P3H2: variants seen among roughly 807,000 people sequenced by gnomAD.
P3H2 encodes the protein prolyl 3-hydroxylase 2, also known as leprecan-like 1.
P3H2 carries 80 observed loss-of-function variants against 87.0 expected under a neutral mutation model. That is an observed-to-expected ratio of 0.92 (90% CI 0.77 to 1.11). P3H2 has a LOEUF of 1.11. P3H2 is among the 50% of genes least tolerant of loss of function. The pLI is 0.00. For synonymous variants in P3H2, 367 were observed against 359.3 expected, an observed-to-expected ratio of 1.02 and a Z score of -0.24; for missense variants, 1,001 against 923.9, an observed-to-expected ratio of 1.08 and a Z score of -1.08.
At chr3:190,038,198 T>C (rs1172882222) in intron 1 of P3H2, among the ~76,000 whole-genome samples, 5 of 145,754 alleles carry the variant, frequency 3.4e-5, no homozygotes, top group East Asian at 2.0e-4. Context: ...ATTGCGCCAC[T>C]GCACTCCAGC....
rs1279709019 is a variant in P3H2 at position 190,019,457 on chromosome 3, A to T, written c.481-24015T>A. On this transcript the variant is annotated intron_variant, in intron 1 of 14. Transcript: ENST00000319332. ...CAGTGACATTTATTTATTTATTCTTACATGATGAGACTAAATCATATCCCT... is the reference window on the plus strand; with the variant it reads ...CAGTGACATTTATTTATTTATTCTTTCATGATGAGACTAAATCATATCCCT... 3.9e-5 allele frequency among the ~76,000 whole-genome samples: 6 copies of T among 152,296 alleles called. No homozygotes were observed. In the South Asian group the frequency reaches 1.0e-3, roughly 26 times the overall value.
At chr3:190,095,127 A>G (rs963123593) in intron 1 of P3H2, among the ~76,000 whole-genome samples, 7 of 151,798 alleles carry the variant, frequency 4.6e-5, no homozygotes, top group Non-Finnish European at 8.8e-5. Flanking sequence ...TTTAATTATT[A>G]TAACACTTTT....
intron 1 of P3H2, among the ~76,000 whole-genome samples, chr3:190,095,016 T>C (rs559446574): frequency 6.6e-6 from 1 of 152,148 alleles, no homozygotes. Context: ...AGAGCCAGTA[T>C]TTCCCAAAGT....
chr3:190,003,599 AG>A (rs1724287658), intron 1 of P3H2, among the ~76,000 whole-genome samples: 1 of 152,200 alleles, frequency 6.6e-6, no homozygotes, highest in Admixed American at 6.5e-5. Context: ...CTTCCTACCA[AG>A]GGAACAGCCA....
At chr3:190,071,500 C>T (rs1235684799) in intron 1 of P3H2, among the ~76,000 whole-genome samples, 1 of 152,030 alleles carries the variant, frequency 6.6e-6, no homozygotes, top group Non-Finnish European at 1.5e-5. Flanking sequence ...TAAACAGTAG[C>T]AGAAAAGTTA....
At chr3:190,008,635 G>C (rs1724469330) in intron 1 of P3H2, among the ~76,000 whole-genome samples, 1 of 152,144 alleles carries the variant, frequency 6.6e-6, no homozygotes, top group South Asian at 2.1e-4. Context: ...TGCATGTTTG[G>C]TCTGTGCTAA....
chr3:190,100,454 T>C (rs923182874), intron 1 of P3H2, among the ~76,000 whole-genome samples: 3 of 152,096 alleles, frequency 2.0e-5, no homozygotes, highest in African/African-American at 7.2e-5. Context: ...TTTAGTAGCA[T>C]TTAATAAATT....
chr3:190,100,244 C>CA (rs1711568819), intron 1 of P3H2, among the ~76,000 whole-genome samples: 3 of 91,790 alleles, frequency 3.3e-5, no homozygotes, highest in Non-Finnish European at 6.1e-5. Flanking sequence ...CCCCGCCCCC[C>CA]CCGCCGCCCC....
chr3:190,011,030 G>C (rs767961493), intron 1 of P3H2, among the ~76,000 whole-genome samples: 10 of 152,234 alleles, frequency 6.6e-5, no homozygotes, highest in Non-Finnish European at 1.5e-4. Flanking sequence ...ATAGTTCCTT[G>C]GGAGGCCAAA....
At position 190,058,831 on chromosome 3, in the gene P3H2, A is replaced by G. The variant is rs149760329; in HGVS notation, c.480+61421T>C. ...ACCAGAGAAGGCACACACACAAAGG[A>G]AACTCACTAAACAAAAGCCAGATTT... On this transcript the variant is annotated intron_variant, in intron 1 of 14. Coordinates refer to ENST00000319332, the MANE Select transcript of P3H2 (RefSeq NM_018192.4). Among the ~76,000 whole-genome samples, 859 of 152,304 alleles carry G rather than the reference A, an allele frequency of 5.6e-3. 12 individuals are homozygous for G. The highest frequency in any genetic ancestry group is 0.02 in the African/African-American group (812 of 41,568).
chr3:190,113,493 A>G (rs768966217), intron 1 of P3H2, among the ~76,000 whole-genome samples: 87 of 150,132 alleles, frequency 5.8e-4, no homozygotes, highest in Non-Finnish European at 1.1e-3. Flanking sequence ...TCTTCCAGCT[A>G]TAAAATCTGT....
intron 1 of P3H2, among the ~76,000 whole-genome samples, chr3:190,005,812 G>A (rs1440034856): frequency 6.6e-6 from 1 of 152,194 alleles, no homozygotes; most frequent in Admixed American, 6.5e-5. Flanking sequence ...TCTTTAAGAG[G>A]AGACTAAGGT....
chr3:190,086,695 G>A (rs1205610608), intron 1 of P3H2, among the ~76,000 whole-genome samples: 5 of 152,164 alleles, frequency 3.3e-5, no homozygotes, highest in African/African-American at 7.2e-5. Context: ...TGCTAGCCCA[G>A]GGACTCAACC....
intron 1 of P3H2, among the ~76,000 whole-genome samples, chr3:190,007,166 G>A (rs1724413784): frequency 6.6e-6 from 1 of 152,128 alleles, no homozygotes; most frequent in Non-Finnish European, 1.5e-5. Context: ...TTTTAGTTGT[G>A]GAAACATTAG....
chr3:190,089,533 C>T (rs1289614846), intron 1 of P3H2, among the ~76,000 whole-genome samples: 2 of 152,174 alleles, frequency 1.3e-5, no homozygotes, highest in East Asian at 3.9e-4. Flanking sequence ...CTTCTGTTCC[C>T]GCCCTCCCAA....
At chr3:189,995,570 T>A (rs1724030574) in intron 1 of P3H2, 128 bp from the exon 2 acceptor site, 1 of 996,012 alleles carries the variant, frequency 1.0e-6, no homozygotes, top group Non-Finnish European at 1.5e-6. Flanking sequence ...TTTTTTTTTT[T>A]ATCAGACAGG....
At chr3:189,968,072 T>C (rs1723054168) in intron 13 of P3H2, among the ~76,000 whole-genome samples, 1 of 152,216 alleles carries the variant, frequency 6.6e-6, no homozygotes, top group Non-Finnish European at 1.5e-5. Flanking sequence ...TGGTGAGAGA[T>C]ACCTGGTCAT....
intron 1 of P3H2, among the ~76,000 whole-genome samples, chr3:190,049,744 C>A (rs1416152747): frequency 6.6e-6 from 1 of 152,112 alleles, no homozygotes; most frequent in Non-Finnish European, 1.5e-5. Context: ...TATAAAATAA[C>A]CTGTCAATAC....
upstream of P3H2, chr3:190,122,236 A>G (rs531348525): frequency 6.6e-6 from 1 of 151,584 alleles, no homozygotes; most frequent in Admixed American, 6.5e-5. Flanking sequence ...TCAATCTAGG[A>G]ATGAGAAAGC....
Sources: allele counts gnomAD v4.1 joint callset (sites outside exome capture counted in the v4.1 genomes callset), GRCh38; gene constraint gnomAD v4.1.1; transcripts MANE v1.5; gene names NCBI Gene and HGNC (gene_info 2026-07-23, HGNC 2026-07-21).